The following DLG2 variants were observed in gnomAD, a reference collection of about 807,000 sequenced individuals.
The protein encoded by DLG2 is discs large MAGUK scaffold protein 2.
A neutral mutation model predicts 132.5 loss-of-function variants in DLG2; 45 were observed. The observed-to-expected ratio is 0.34, with a 90% CI of 0.27 to 0.44. The LOEUF (loss-of-function observed/expected upper bound fraction) is 0.44. Among genes scored for constraint, DLG2 ranks in the 20% least tolerant of loss-of-function variants. DLG2 has a pLI of 1.00. For synonymous variants in DLG2, 424 were observed against 419.6 expected (o/e 1.01, Z -0.13); for missense variants, 1,045 against 1,196.9 (o/e 0.87, Z 1.87).
intron 11 of DLG2, among the ~76,000 whole-genome samples, chr11:84,036,856 G>A (rs2095876149): frequency 2.6e-5 from 4 of 152,080 alleles, no homozygotes; most frequent in African/African-American, 9.7e-5. Context: ...ATATTTAGAA[G>A]AGAGCAATCC....
At chr11:84,342,001 T>C (rs1174195992) in intron 7 of DLG2, among the ~76,000 whole-genome samples, 1 of 152,228 alleles carries the variant, frequency 6.6e-6, no homozygotes, top group African/African-American at 2.4e-5. Context: ...AGTTACTTAG[T>C]TCATATCCAT....
Position 85,129,230 on chromosome 11 carries a change from A to T in DLG2, c.283-17495T>A, listed in dbSNP as rs140346110. On this transcript the variant is annotated intron_variant, in intron 5 of 27. Coordinates refer to ENST00000376104, the MANE Select transcript of DLG2 (RefSeq NM_001142699.3). The stretch of plus-strand genomic sequence containing the variant: ...GTGGGTTGCCTGAGCATTTGACAAG[A>T]CTTGGGATCCATGTGACAGAAACTC... Among the ~76,000 whole-genome samples the T allele has an allele frequency of 1.7e-3, 259 of 152,312 alleles. 1 individual carries two copies. Among genetic ancestry groups the T allele is most frequent in the African/African-American group, 6.1e-3 (253 of 41,570 alleles).
chr11:84,513,820 A>C (rs2099264293), intron 7 of DLG2, among the ~76,000 whole-genome samples: 1 of 152,034 alleles, frequency 6.6e-6, no homozygotes, highest in African/African-American at 2.4e-5. Flanking sequence ...AGCACAAGCA[A>C]CCAAAGCAAA....
intron 6 of DLG2, among the ~76,000 whole-genome samples, chr11:84,973,826 G>T (rs1056703442): frequency 1.3e-5 from 2 of 152,030 alleles, no homozygotes; most frequent in Non-Finnish European, 2.9e-5. Context: ...TGTATTCCAT[G>T]AATACTTAAT....
At chr11:84,376,712 T>TA (rs1366887637) in intron 7 of DLG2, among the ~76,000 whole-genome samples, 2,033 of 147,150 alleles carry the variant, frequency 0.014, 41 homozygotes, top group African/African-American at 0.047. Flanking sequence ...AATGGAAAAT[T>TA]AAAAAAAAAA....
intron 6 of DLG2, among the ~76,000 whole-genome samples, chr11:84,823,571 G>A (rs2077954764): frequency 7.7e-6 from 1 of 129,792 alleles, no homozygotes; most frequent in African/African-American, 2.9e-5. Context: ...AGAATGGGAT[G>A]GTTGTATATC....
At chr11:84,096,708 C>T (rs895114856) in intron 10 of DLG2, among the ~76,000 whole-genome samples, 1 of 152,008 alleles carries the variant, frequency 6.6e-6, no homozygotes, top group African/African-American at 2.4e-5. Flanking sequence ...TCTTTAGGGT[C>T]CAGTGTTAGC....
intron 9 of DLG2, among the ~76,000 whole-genome samples, chr11:84,133,326 A>C (rs1418730689): frequency 6.6e-6 from 1 of 152,064 alleles, no homozygotes; most frequent in African/African-American, 2.4e-5. Flanking sequence ...TGATGTTTTT[A>C]GTTTTAGAGG....
intron 9 of DLG2, among the ~76,000 whole-genome samples, chr11:84,131,942 T>C (rs2094439318): frequency 6.6e-6 from 1 of 151,626 alleles, no homozygotes; most frequent in Admixed American, 6.6e-5. Flanking sequence ...CTTCTTCTAC[T>C]TATTGTTTTT....
intron 7 of DLG2, chr11:84,272,412 C>T (rs1051959994): frequency 3.3e-6 from 1 of 298,668 alleles, no homozygotes; most frequent in East Asian, 1.0e-4. Flanking sequence ...TCTCTCATAG[C>T]TAATTGGTGA....
chr11:84,781,115 G>A (rs1374637381), intron 6 of DLG2, among the ~76,000 whole-genome samples: 3 of 149,160 alleles, frequency 2.0e-5, no homozygotes, highest in African/African-American at 7.4e-5. Context: ...TTCAATCTAA[G>A]TTTGGAACTA....
At chr11:84,833,432 A>G (rs2079295425) in intron 6 of DLG2, among the ~76,000 whole-genome samples, 1 of 151,542 alleles carries the variant, frequency 6.6e-6, no homozygotes, top group South Asian at 2.1e-4. Context: ...CCCCTACAAT[A>G]CATTTATCTC....
At chr11:85,101,018 T>G (rs567727121) in intron 6 of DLG2, among the ~76,000 whole-genome samples, 22 of 152,176 alleles carry the variant, frequency 1.4e-4, no homozygotes, top group Admixed American at 3.9e-4. Context: ...TTTTAGTTTT[T>G]TATGTGTTGA....
intron 7 of DLG2, among the ~76,000 whole-genome samples, chr11:84,454,348 C>A (rs529904012): frequency 6.6e-6 from 1 of 151,412 alleles, no homozygotes; most frequent in African/African-American, 2.4e-5. Flanking sequence ...ATTGTCTAGC[C>A]TCTGATACTT....
chr11:85,274,785 G>C (rs780476543), intron 4 of DLG2, among the ~76,000 whole-genome samples: 1 of 152,002 alleles, frequency 6.6e-6, no homozygotes, highest in African/African-American at 2.4e-5. Context: ...CTGTTTGATC[G>C]TAAGTCATAA....
At chr11:84,434,694 T>G (rs975064237) in intron 7 of DLG2, among the ~76,000 whole-genome samples, 5 of 151,930 alleles carry the variant, frequency 3.3e-5, no homozygotes, top group Non-Finnish European at 7.4e-5. Context: ...TGCTACTGAG[T>G]TCTAGTGACA....
At chr11:84,289,721 C>T (rs904038645) in intron 7 of DLG2, among the ~76,000 whole-genome samples, 3 of 152,248 alleles carry the variant, frequency 2.0e-5, no homozygotes, top group East Asian at 3.9e-4. Context: ...GACTGTCTCA[C>T]TCTGTTCGTA....
At chr11:83,821,789 A>G (rs984173871) in intron 17 of DLG2, among the ~76,000 whole-genome samples, 5 of 151,924 alleles carry the variant, frequency 3.3e-5, no homozygotes, top group African/African-American at 1.2e-4. Context: ...CTTAATATAC[A>G]TGTATATGAA....
chr11:84,982,118 G>A (rs755635991), intron 6 of DLG2, among the ~76,000 whole-genome samples: 7 of 151,720 alleles, frequency 4.6e-5, no homozygotes, highest in African/African-American at 1.5e-4. Context: ...AGGCTCTTCC[G>A]CCTGTAGCCA....
Sources: allele counts gnomAD v4.1 joint callset (sites outside exome capture counted in the v4.1 genomes callset), GRCh38; gene constraint gnomAD v4.1.1; transcripts MANE v1.5; gene names NCBI Gene and HGNC (gene_info 2026-07-23, HGNC 2026-07-21).